SLC4A5: variants seen among roughly 807,000 people sequenced by gnomAD.
The protein encoded by SLC4A5 is solute carrier family 4 member 5, also known as electrogenic sodium bicarbonate cotransporter 4.
In SLC4A5, 96 loss-of-function variants were observed where a neutral mutation model predicts 120.4. The ratio of observed to expected loss-of-function variants is 0.80; its 90% confidence interval spans 0.68 to 0.94. The LOEUF is 0.94. Among genes scored for constraint, SLC4A5 ranks in the 40% least tolerant of loss-of-function variants. The pLI, the probability that SLC4A5 is intolerant of heterozygous loss-of-function variation, is 0.00. For missense variants in SLC4A5, 1,259 were observed against 1,459.5 expected, an observed-to-expected ratio of 0.86 and a Z score of 2.24; for synonymous variants, 550 against 571.1, an observed-to-expected ratio of 0.96 and a Z score of 0.53.
At chr2:74,264,211 G>A (rs1671229435) in exon 10 of SLC4A5, 3 of 1,614,228 alleles carry the variant, frequency 1.9e-6, no homozygotes, top group African/African-American at 2.7e-5. Context: ...TGGTTTGGTG[G>A]CGGTGCCTCC....
At chr2:74,272,599 T>C (rs1250181339) in intron 8 of SLC4A5, among the ~76,000 whole-genome samples, 1 of 152,216 alleles carries the variant, frequency 6.6e-6, no homozygotes, top group Non-Finnish European at 1.5e-5. Flanking sequence ...AGCTTGGGTG[T>C]AGACCCCCAA....
exon 27 of SLC4A5, chr2:74,227,073 A>T: frequency 6.2e-7 from 1 of 1,614,106 alleles, no homozygotes; most frequent in Non-Finnish European, 8.5e-7. Flanking sequence ...TGCCGCAGGA[A>T]GGCATGGTCC....
intron 5 of SLC4A5, among the ~76,000 whole-genome samples, chr2:74,327,536 AAAAC>A (rs1474839937): frequency 6.6e-6 from 1 of 152,244 alleles, no homozygotes; most frequent in Non-Finnish European, 1.5e-5. Context: ...GAGAAAGGAC[AAAAC>A]AAACAAATAT....
chr2:74,260,867 A>G (rs1671113060), intron 11 of SLC4A5, among the ~76,000 whole-genome samples: 1 of 152,098 alleles, frequency 6.6e-6, no homozygotes, highest in South Asian at 2.1e-4. Flanking sequence ...TGGGTGCACA[A>G]GGCCCTCTTT....
chr2:74,276,772 C>T (rs1359153811), intron 8 of SLC4A5, among the ~76,000 whole-genome samples: 1 of 147,114 alleles, frequency 6.8e-6, no homozygotes, highest in African/African-American at 2.6e-5. Flanking sequence ...ATACCTCCTA[C>T]CTCTGATCTG....
chr2:74,264,689 A>G (rs1018846739), intron 9 of SLC4A5, among the ~76,000 whole-genome samples: 2 of 152,230 alleles, frequency 1.3e-5, no homozygotes, highest in Non-Finnish European at 2.9e-5. Flanking sequence ...GTGCTAGAAC[A>G]AAACTCACAA....
At chr2:74,245,306 C>T (rs765688281) in intron 19 of SLC4A5, among the ~76,000 whole-genome samples, 11 of 152,018 alleles carry the variant, frequency 7.2e-5, no homozygotes, top group Non-Finnish European at 1.6e-4. Flanking sequence ...GCGACAGAGT[C>T]AGACTCTGTC....
At chr2:74,240,685 C>T (rs1670411752) in intron 20 of SLC4A5, among the ~76,000 whole-genome samples, 1 of 151,424 alleles carries the variant, frequency 6.6e-6, no homozygotes, top group Admixed American at 6.6e-5. Context: ...AGGAAGATCA[C>T]TTGAGCTCAG....
intron 4 of SLC4A5, among the ~76,000 whole-genome samples, chr2:74,329,894 T>A (rs570726268): frequency 3.3e-5 from 5 of 150,544 alleles, no homozygotes; most frequent in Admixed American, 6.6e-5. Flanking sequence ...ATGGAAGTGA[T>A]GAGATGTAGA....
chr2:74,333,383 G>A (rs1673408775), intron 4 of SLC4A5, among the ~76,000 whole-genome samples: 1 of 152,158 alleles, frequency 6.6e-6, no homozygotes, highest in Non-Finnish European at 1.5e-5. Flanking sequence ...AGGAGAGGGA[G>A]CTAAAGATTC....
In SLC4A5 at chr2:74,308,099, T is replaced by C. The variant is rs184834760; in HGVS notation, c.80-3419A>G. The C allele has an allele frequency of 2.8e-5, 12 of 428,092 alleles. No individual in the cohort carries two copies. The East Asian group carries it at 6.5e-4, about 23-fold the overall frequency. 26.5% of individuals were successfully genotyped at this position (428,092 alleles called of 1,614,324 possible). A position where few individuals can be genotyped will look rare whatever the true frequency, so the allele number is the denominator to read the frequency against. Reference sequence around the variant, plus strand: ...CTCTGAACAATATTCCACCGATCAATGTACTGTAGTTTGTTCATCCATTCT... The same window carrying C: ...CTCTGAACAATATTCCACCGATCAACGTACTGTAGTTTGTTCATCCATTCT... On this transcript the variant is annotated intron_variant, in intron 6 of 30. Coordinates refer to ENST00000394019, the Ensembl canonical transcript of SLC4A5.
chr2:74,242,090 C>A, intron 19 of SLC4A5, 38 bp from the exon 20 acceptor site: 4 of 1,584,406 alleles, frequency 2.5e-6, no homozygotes, highest in Non-Finnish European at 3.4e-6. Flanking sequence ...GGGTCAGCAG[C>A]TGTGGGGCTG....
At chr2:74,254,225 A>C (rs1356796132) in intron 14 of SLC4A5, among the ~76,000 whole-genome samples, 1 of 152,088 alleles carries the variant, frequency 6.6e-6, no homozygotes, top group Non-Finnish European at 1.5e-5. Context: ...TGAAGCTCTT[A>C]CACTGAGCCT....
chr2:74,285,632 C>T (rs1359471778), intron 8 of SLC4A5, 141 bp downstream of exon 8: 40 of 895,808 alleles, frequency 4.5e-5, no homozygotes, highest in Admixed American at 3.4e-4. Flanking sequence ...TAGTTCTGGA[C>T]ACCAAGGAAG....
chr2:74,296,920 T>C (rs17009818), intron 7 of SLC4A5, among the ~76,000 whole-genome samples: 5,834 of 152,248 alleles, frequency 0.038, 386 homozygotes, highest in African/African-American at 0.13. Context: ...TTGGCTCCTT[T>C]CTTATCAGAA....
chr2:74,237,525 C>T (rs1670306332), intron 21 of SLC4A5, among the ~76,000 whole-genome samples: 1 of 152,146 alleles, frequency 6.6e-6, no homozygotes, highest in South Asian at 2.1e-4. Context: ...AGTTTATATA[C>T]TGTGAAGCTT....
At chr2:74,303,067 T>A (rs1197815255) in intron 7 of SLC4A5, among the ~76,000 whole-genome samples, 1 of 150,930 alleles carries the variant, frequency 6.6e-6, no homozygotes, top group African/African-American at 2.4e-5. Context: ...TGTTTTTTTG[T>A]GTGTGTGTGG....
intron 4 of SLC4A5, among the ~76,000 whole-genome samples, chr2:74,330,075 T>C (rs1362623432): frequency 1.3e-5 from 2 of 148,722 alleles, no homozygotes; most frequent in African/African-American, 5.0e-5. Flanking sequence ...GTGTGTGGCG[T>C]AGGTATAGGT....
intron 8 of SLC4A5, among the ~76,000 whole-genome samples, chr2:74,266,083 A>C (rs1430866434): frequency 1.3e-5 from 2 of 152,236 alleles, no homozygotes; most frequent in Admixed American, 6.5e-5. Flanking sequence ...GTTCCTCTAA[A>C]AAAGGTAAAT....
Sources: gnomAD v4.1 joint callset for allele counts (sites outside exome capture counted in the v4.1 genomes callset) on GRCh38, gnomAD v4.1.1 for gene constraint, MANE v1.5 for transcripts, NCBI Gene and HGNC (gene_info 2026-07-23, HGNC 2026-07-21) for gene names.